Variants in HDAC4 observed in about 807,000 individuals in gnomAD.
The protein encoded by HDAC4 is histone deacetylase 4, also known as histone deacetylase A.
A neutral mutation model predicts 135.1 loss-of-function variants in HDAC4; 16 were observed. The observed-to-expected ratio is 0.12, with a 90% CI of 0.08 to 0.18. The LOEUF is 0.18. Among genes scored for constraint, HDAC4 ranks in the 10% least tolerant of loss-of-function variants. The pLI, the probability that HDAC4 is intolerant of heterozygous loss-of-function variation, is 1.00. For synonymous variants in HDAC4, 685 were observed against 653.4 expected (o/e 1.05, Z -0.74); for missense variants, 1,143 against 1,511.8 (o/e 0.76, Z 4.05).
rs574770261 is a variant in HDAC4, at chr2:239,139,649, A to G, written c.978+35T>C. On this transcript the variant is annotated intron_variant, in intron 9 of 26. Transcript: ENST00000543185. This position sits in a 1 kb window ranked among gnomAD's most constrained non-coding sequence, Gnocchi z 5.3. Reference sequence around the variant, plus strand: ...GCTCATCCGTCCCGAGTCCGACTCTAGCCGTAGGACACAGGACAAACGCTT... The same window carrying G: ...GCTCATCCGTCCCGAGTCCGACTCTGGCCGTAGGACACAGGACAAACGCTT... 9 of 1,560,090 alleles carry G rather than the reference A, an allele frequency of 5.8e-6. No homozygotes were observed. In the South Asian group the frequency reaches 8.9e-5, roughly 15 times the overall value.
intron 19 of HDAC4, among the ~76,000 whole-genome samples, chr2:239,084,500 A>G (rs1313513658): frequency 6.9e-6 from 1 of 144,490 alleles, no homozygotes; most frequent in Non-Finnish European, 1.5e-5. Context: ...GCTCCCAAAC[A>G]AGCCACTGGG....
chr2:239,358,885 T>A (rs1567974), intron 1 of HDAC4, among the ~76,000 whole-genome samples: 1 of 152,102 alleles, frequency 6.6e-6, no homozygotes, highest in Non-Finnish European at 1.5e-5. Context: ...CGATTCTCCT[T>A]GTTCTCAGCC....
At position 239,352,702 on chromosome 2, in the gene HDAC4, C is replaced by A; in HGVS notation, c.-3G>T. On this transcript the variant is annotated 5_prime_UTR_variant, in exon 2 of 27. Transcript: ENST00000543185. This position sits in a 1 kb window ranked among gnomAD's most constrained non-coding sequence, Gnocchi z 4.4. ...CCTGGATGGCTTTGGGAGCTCATTG[C>A]TAGCAATGTCCACTCCTTTAAGTGA... 1 of 1,557,638 alleles carries A rather than the reference C, an allele frequency of 6.4e-7. No individual in the cohort carries two copies. The highest frequency in any genetic ancestry group is 8.7e-7 in the Non-Finnish European group (1 of 1,149,494).
intron 18 of HDAC4, among the ~76,000 whole-genome samples, chr2:239,088,412 C>T (rs1206158049): frequency 4.6e-5 from 7 of 152,244 alleles, no homozygotes; most frequent in Admixed American, 6.5e-5. Context: ...CATGAGGTGG[C>T]GGCAAACGCT....
At chr2:239,336,667 C>G (rs1691959432) in intron 2 of HDAC4, among the ~76,000 whole-genome samples, 1 of 152,200 alleles carries the variant, frequency 6.6e-6, no homozygotes, top group African/African-American at 2.4e-5. Flanking sequence ...TTTATTAAAA[C>G]TTGAGTAGAC....
At chr2:239,227,722 G>T (rs2047322054) in intron 3 of HDAC4, among the ~76,000 whole-genome samples, 1 of 152,200 alleles carries the variant, frequency 6.6e-6, no homozygotes, top group Non-Finnish European at 1.5e-5. Context: ...TCTGCCCGGT[G>T]AAATGAGCAA....
At chr2:239,238,822 C>G (rs1344928142) in intron 2 of HDAC4, among the ~76,000 whole-genome samples, 1 of 152,186 alleles carries the variant, frequency 6.6e-6, no homozygotes, top group Non-Finnish European at 1.5e-5. Flanking sequence ...TTCCTGTATC[C>G]ACAAGCATCA....
intron 1 of HDAC4, among the ~76,000 whole-genome samples, chr2:239,385,356 C>A (rs1338586456): frequency 1.3e-5 from 2 of 152,236 alleles, no homozygotes; most frequent in Non-Finnish European, 2.9e-5. Context: ...TCAGGAGGTT[C>A]CGGGGGCCTC....
Position 239,322,161 on chromosome 2 carries a change from G to A in HDAC4, c.22+30517C>T, listed in dbSNP as rs77597137. Reference sequence around the variant, plus strand: ...GCCAAAGTGAAGTTACACCCTATGCGAATGAAGACTTGGCCTGCAACCAAT... The same window carrying A: ...GCCAAAGTGAAGTTACACCCTATGCAAATGAAGACTTGGCCTGCAACCAAT... On this transcript the variant is annotated intron_variant, in intron 2 of 26. Coordinates refer to ENST00000543185, the MANE Select transcript of HDAC4 (RefSeq NM_001378414.1). 4.0e-3 allele frequency among the ~76,000 whole-genome samples: 608 copies of A among 152,320 alleles called. 4 individuals are homozygous for A. The highest frequency in any genetic ancestry group is 0.014 in the African/African-American group (585 of 41,562).
intron 7 of HDAC4, among the ~76,000 whole-genome samples, chr2:239,152,474 C>A (rs1460065188): frequency 1.3e-5 from 2 of 152,250 alleles, no homozygotes; most frequent in Non-Finnish European, 2.9e-5. Flanking sequence ...AGTGGAGACA[C>A]CCCTGCTGCC....
At chr2:239,144,241 G>A (rs1042513146) in intron 8 of HDAC4, among the ~76,000 whole-genome samples, 1 of 152,194 alleles carries the variant, frequency 6.6e-6, no homozygotes, top group Non-Finnish European at 1.5e-5. Flanking sequence ...ACCACTACTA[G>A]GGTGGGACTG....
chr2:239,063,811 C>T lies in HDAC4; in HGVS notation c.3003+2911G>A, dbSNP rs530522854. ...CTTCTTCAAGCCACCGAACCTCCCT[C>T]CTGTCTGGGAGACCACTGGCCAGTG... On this transcript the variant is annotated intron_variant, in intron 24 of 26. Coordinates refer to ENST00000543185, the MANE Select transcript of HDAC4 (RefSeq NM_001378414.1). Among the ~76,000 whole-genome samples, 21 of 152,372 alleles carry T rather than the reference C, an allele frequency of 1.4e-4. No individual in the cohort carries two copies. In the East Asian group the frequency reaches 4.1e-3, roughly 29 times the overall value.
At chr2:239,107,931 G>A (rs1282043745) in intron 15 of HDAC4, 119 bp downstream of exon 15, 15 of 1,262,040 alleles carry the variant, frequency 1.2e-5, no homozygotes, top group South Asian at 2.5e-5. Flanking sequence ...CCCTTCCCCC[G>A]GGGCTGTAAG....
chr2:239,163,284 G>A (rs1022244806), intron 6 of HDAC4, among the ~76,000 whole-genome samples: 4 of 152,192 alleles, frequency 2.6e-5, no homozygotes, highest in Non-Finnish European at 5.9e-5. Context: ...GAGCACAGAG[G>A]ATTCAGACAA....
chr2:239,337,327 A>C (rs984110915), intron 2 of HDAC4, among the ~76,000 whole-genome samples: 3 of 152,102 alleles, frequency 2.0e-5, no homozygotes, highest in Non-Finnish European at 4.4e-5. Context: ...GAAAACGTCC[A>C]CTTTGAGAGA....
intron 11 of HDAC4, among the ~76,000 whole-genome samples, chr2:239,131,987 CAAG>C (rs2040617856): frequency 6.6e-6 from 1 of 152,152 alleles, no homozygotes; most frequent in African/African-American, 2.4e-5. Context: ...CTTCTTCCCA[CAAG>C]AAGATGGGGC....
At chr2:239,359,534 G>A (rs1369077462) in intron 1 of HDAC4, among the ~76,000 whole-genome samples, 2 of 152,236 alleles carry the variant, frequency 1.3e-5, no homozygotes, top group Non-Finnish European at 1.5e-5. Context: ...AGGATAGGCC[G>A]AGATGACAGA....
At chr2:239,169,879 A>T (rs560877550) in intron 5 of HDAC4, among the ~76,000 whole-genome samples, 122 of 152,258 alleles carry the variant, frequency 8.0e-4, no homozygotes, top group African/African-American at 2.9e-3. Context: ...ATCCCTGGGG[A>T]TTAAGTCACC....
intron 1 of HDAC4, among the ~76,000 whole-genome samples, chr2:239,392,203 T>C (rs958954795): frequency 2.2e-4 from 33 of 152,328 alleles, no homozygotes; most frequent in African/African-American, 7.7e-4. Flanking sequence ...CGAGCTACGC[T>C]GGGCTGTGCT....
Sources: gnomAD v4.1 joint callset for allele counts (sites outside exome capture counted in the v4.1 genomes callset) on GRCh38, gnomAD v4.1.1 for gene constraint, Gnocchi (gnomAD v3.1) non-coding constraint, MANE v1.5 for transcripts, NCBI Gene and HGNC (gene_info 2026-07-23, HGNC 2026-07-21) for gene names.